The following RCN1 variants were observed in gnomAD, a reference collection of about 807,000 sequenced individuals.
RCN1 encodes reticulocalbin-1.
In RCN1, 14 loss-of-function variants were observed where a neutral mutation model predicts 34.7. That is an observed-to-expected ratio of 0.40 (90% CI 0.27 to 0.63). RCN1 has a LOEUF of 0.63. Among genes scored for constraint, RCN1 ranks in the 30% least tolerant of loss-of-function variants. The pLI, the probability that RCN1 is intolerant of heterozygous loss-of-function variation, is 0.37. For synonymous variants in RCN1, 125 were observed against 165.5 expected (o/e 0.76, Z 1.88); for missense variants, 326 against 425.1 (o/e 0.77, Z 2.05).
At chr11:32,103,754 AC>A (rs1241998498) in intron 5 of RCN1, among the ~76,000 whole-genome samples, 2 of 152,164 alleles carry the variant, frequency 1.3e-5, no homozygotes, top group Non-Finnish European at 1.5e-5. Context: ...TGGGCAGGAC[AC>A]GATTTAAGAA....
chr11:32,102,968 C>A, intron 4 of RCN1: 2 of 495,658 alleles, frequency 4.0e-6, no homozygotes, highest in Non-Finnish European at 3.9e-6. Flanking sequence ...ATCATAATAG[C>A]CCCATGATTT....
At chr11:32,101,816 T>A (rs1016309959) in intron 4 of RCN1, among the ~76,000 whole-genome samples, 12 of 152,166 alleles carry the variant, frequency 7.9e-5, no homozygotes, top group African/African-American at 2.9e-4. Flanking sequence ...GCAGACCTCT[T>A]ACTGTGGCAC....
Position 32,091,446 on chromosome 11 carries a change from C to G in RCN1, c.250C>G (p.Leu84Val), listed in dbSNP as rs914202429. ...QLTPDESKER[L>V]GKIVDRIDND... ...CACCCCGGACGAGAGCAAGGAGAGG[C>G]TAGGGTGAGGCCGCGGCCAGGGCCC... The change falls in exon 1 of 6, where the codon CTA becomes GTA. Residue 84 changes from leucine (L) to valine (V), a missense_variant. By Grantham distance (32) the Leu-to-Val change is conservative (BLOSUM62 1). Transcript: ENST00000054950. 64 of 1,543,890 alleles carry G rather than the reference C, an allele frequency of 4.1e-5. No individual in the cohort carries two copies. Among genetic ancestry groups the G allele is most frequent in the Non-Finnish European group, 5.6e-5 (64 of 1,144,142 alleles).
intron 4 of RCN1, among the ~76,000 whole-genome samples, chr11:32,101,430 G>C (rs1350162296): frequency 6.6e-6 from 1 of 152,200 alleles, no homozygotes; most frequent in Non-Finnish European, 1.5e-5. Flanking sequence ...TATGAAAAGA[G>C]AAATGAAATA....
intron 3 of RCN1, among the ~76,000 whole-genome samples, chr11:32,098,834 C>T (rs1020166788): frequency 6.6e-6 from 1 of 152,164 alleles, no homozygotes. Flanking sequence ...TGCTTGTGCT[C>T]TGCCATCTTG....
At chr11:32,092,234 G>T (rs994474647) in intron 1 of RCN1, among the ~76,000 whole-genome samples, 59 of 152,194 alleles carry the variant, frequency 3.9e-4, no homozygotes, top group African/African-American at 1.4e-3. Context: ...TTGAACCCGG[G>T]AGGCGGAGGT....
At chr11:32,092,341 G>A (rs1851931784) in intron 1 of RCN1, among the ~76,000 whole-genome samples, 1 of 152,064 alleles carries the variant, frequency 6.6e-6, no homozygotes. Flanking sequence ...AAAATCTAGT[G>A]TAGGGATACA....
intron 4 of RCN1, among the ~76,000 whole-genome samples, chr11:32,101,624 T>G (rs1354779276): frequency 6.6e-6 from 1 of 152,194 alleles, no homozygotes; most frequent in Non-Finnish European, 1.5e-5. Context: ...TGTTTGATCA[T>G]GAGCCAAACA....
At chr11:32,099,713 T>C (rs1852013826) in intron 3 of RCN1, among the ~76,000 whole-genome samples, 1 of 152,220 alleles carries the variant, frequency 6.6e-6, no homozygotes, top group Admixed American at 6.5e-5. Flanking sequence ...TGGCTAGAGC[T>C]TTTGTTTACA....
intron 3 of RCN1, among the ~76,000 whole-genome samples, 198 bp downstream of exon 3, chr11:32,098,726 G>A (rs1852002647): frequency 2.0e-5 from 3 of 152,168 alleles, no homozygotes; most frequent in Non-Finnish European, 4.4e-5. Flanking sequence ...GCCCCCAGTT[G>A]TAGCCATTTA....
intron 1 of RCN1, among the ~76,000 whole-genome samples, chr11:32,092,955 A>G (rs1324076634): frequency 1.3e-5 from 2 of 152,174 alleles, no homozygotes; most frequent in African/African-American, 2.4e-5. Context: ...AGTCACCTCC[A>G]AACAATTACC....
chr11:32,104,377 A>T lies in RCN1; in HGVS notation c.901A>T (p.Thr301Ser). Residue 301 changes from threonine (T) to serine (S), a missense_variant, in exon 6 of 6, where the codon ACT (threonine) becomes TCT (serine). Transcript: ENST00000054950. ...ATCTCTTCTATAGGATGAGAAGCTA[A>T]CTAAAGAGGAAATATTGGAGAACTG... is the stretch of plus-strand genomic sequence containing the variant. ...ESDKNKDEKL[T>S]KEEILENWNM... 3 of 1,570,906 alleles carry T rather than the reference A, an allele frequency of 1.9e-6. No individual in the cohort carries two copies. The highest frequency in any genetic ancestry group is 2.6e-6 in the Non-Finnish European group (3 of 1,141,100).
chr11:32,098,899 G>A (rs1852004405), intron 3 of RCN1, among the ~76,000 whole-genome samples: 1 of 152,104 alleles, frequency 6.6e-6, no homozygotes, highest in Admixed American at 6.6e-5. Flanking sequence ...AAAAGAGAGG[G>A]AATGAGAAGA....
chr11:32,094,840 T>C (rs947549503), intron 1 of RCN1, among the ~76,000 whole-genome samples: 1 of 152,232 alleles, frequency 6.6e-6, no homozygotes, highest in Non-Finnish European at 1.5e-5. Context: ...CCAGGTGTTC[T>C]GATGAAAGTG....
Position 32,091,934 on chromosome 11 carries a change from C to A in RCN1, c.254+484C>A, listed in dbSNP as rs374819987. 6.2e-4 allele frequency: 100 copies of A among 161,634 alleles called. 3 individuals carry two copies. In the South Asian group the frequency reaches 0.018, roughly 28 times the overall value. The allele number at this position is 161,634 out of a possible 1,614,324, so 10.0% of individuals were successfully genotyped here. The stretch of plus-strand genomic sequence containing the variant: ...AATGGATAAAAGATGAAGGGGCAGG[C>A]GAGCGACAGGCTTGCTTCCTGGTCT... On this transcript the variant is annotated intron_variant, in intron 1 of 5. Coordinates refer to ENST00000054950, the MANE Select transcript of RCN1 (RefSeq NM_002901.4).
chr11:32,105,512 A>C lies in RCN1; in HGVS notation c.*1040A>C, dbSNP rs1426249110. The stretch of plus-strand genomic sequence containing the variant: ...CACCTTGTAAGGAGGAAGTGAATGA[A>C]ATAAAGGATCCCCCTAAGGATTTTC... On this transcript the variant is annotated 3_prime_UTR_variant, in exon 6 of 6. Coordinates refer to ENST00000054950, the MANE Select transcript of RCN1 (RefSeq NM_002901.4). 2.6e-5 allele frequency: 4 copies of C among 152,196 alleles called. No homozygotes were observed. The highest frequency in any genetic ancestry group is 5.9e-5 in the Non-Finnish European group (4 of 68,044). 9.4% of individuals were successfully genotyped at this position (152,196 alleles called of 1,614,324 possible). A position where few individuals can be genotyped will look rare whatever the true frequency, so the allele number is the denominator to read the frequency against.
intron 2 of RCN1, 41 bp downstream of exon 2, chr11:32,097,378 GA>G: frequency 6.9e-7 from 1 of 1,439,216 alleles, no homozygotes; most frequent in South Asian, 1.5e-5. Flanking sequence ...TGGGGGCCCA[GA>G]TCACAAGCTT....
At chr11:32,091,759 G>C (rs1851924494) in intron 1 of RCN1, 1 of 415,184 alleles carries the variant, frequency 2.4e-6, no homozygotes, top group Non-Finnish European at 4.3e-6. Context: ...CATCAGAAGG[G>C]AGGGGAGAGT....
At chr11:32,099,015 C>T (rs1402466340) in intron 3 of RCN1, among the ~76,000 whole-genome samples, 1 of 152,130 alleles carries the variant, frequency 6.6e-6, no homozygotes, top group African/African-American at 2.4e-5. Context: ...AGTTTAGATA[C>T]GTGCCTAGAA....
Sources: gnomAD v4.1 joint callset for allele counts (sites outside exome capture counted in the v4.1 genomes callset) on GRCh38, gnomAD v4.1.1 for gene constraint, MANE v1.5 for transcripts, NCBI Gene and HGNC (gene_info 2026-07-23, HGNC 2026-07-21) for gene names.